Variants in SDK1 observed in about 807,000 individuals in gnomAD.
The protein encoded by SDK1 is sidekick cell adhesion molecule 1, also known as protein sidekick-1.
Under a neutral mutation model 245.5 loss-of-function variants are expected in SDK1, and 157 were observed. The observed-to-expected ratio is 0.64, with a 90% CI of 0.56 to 0.73. SDK1 has a LOEUF of 0.73. Among genes scored for constraint, SDK1 ranks in the 30% least tolerant of loss-of-function variants. SDK1 has a pLI of 0.00. For synonymous variants in SDK1, 1,647 were observed against 1,278.5 expected (o/e 1.29, Z -6.15); for missense variants, 3,583 against 3,002.3 (o/e 1.19, Z -4.52).
intron 1 of SDK1, among the ~76,000 whole-genome samples, chr7:3,549,249 G>A (rs1000202550): frequency 6.6e-6 from 1 of 152,196 alleles, no homozygotes; most frequent in African/African-American, 2.4e-5. Flanking sequence ...ATGAGTTATA[G>A]TCTTCCTGTG....
At position 4,182,768 on chromosome 7, in the gene SDK1, C is replaced by T. The variant is rs112048545; in HGVS notation, c.5098+4182C>T. Among the ~76,000 whole-genome samples the T allele has an allele frequency of 1.2e-3, 186 of 152,282 alleles. 1 individual carries two copies. Among genetic ancestry groups the T allele is most frequent in the African/African-American group, 4.0e-3 (168 of 41,572 alleles). ...TGGCAGTAGGGAGGGAGAGGCAGAG[C>T]TGGTGAGGGTGCACAGGCTGGCAGA... On this transcript the variant is annotated intron_variant, in intron 35 of 44. Transcript: ENST00000404826.
chr7:3,534,634 T>A (rs530244493), intron 1 of SDK1, among the ~76,000 whole-genome samples: 3 of 152,292 alleles, frequency 2.0e-5, no homozygotes, highest in African/African-American at 7.2e-5. Context: ...CCTTTTTTAT[T>A]TCTCTCGGTC....
chr7:3,774,214 C>CAAAAAA (rs35211488), intron 4 of SDK1, among the ~76,000 whole-genome samples: 1 of 70,376 alleles, frequency 1.4e-5, no homozygotes. Flanking sequence ...GACTCCATCT[C>CAAAAAA]AAAAAAAAAA....
At chr7:3,421,575 T>C (rs1268180452) in intron 1 of SDK1, among the ~76,000 whole-genome samples, 1 of 152,216 alleles carries the variant, frequency 6.6e-6, no homozygotes, top group Non-Finnish European at 1.5e-5. Flanking sequence ...AGTATTGAGC[T>C]GCTATCTGTA....
Position 3,500,869 on chromosome 7 carries a change from C to A in SDK1, c.299-118211C>A, listed in dbSNP as rs1049380841. ...TTACTTTCTGGGAGATTTCATTTTC[C>A]AACTGATATTATTTTCTTCTATCAT... On this transcript the variant is annotated intron_variant, in intron 1 of 44. Coordinates refer to ENST00000404826, the MANE Select transcript of SDK1 (RefSeq NM_152744.4). 5.3e-5 allele frequency among the ~76,000 whole-genome samples: 8 copies of A among 151,442 alleles called. No homozygotes were observed. The East Asian group carries it at 1.4e-3, about 26-fold the overall frequency.
chr7:3,541,773 C>G (rs576113336), intron 1 of SDK1, among the ~76,000 whole-genome samples: 8 of 152,266 alleles, frequency 5.3e-5, no homozygotes, highest in African/African-American at 7.2e-5. Context: ...GACATCACCC[C>G]AATGCATGAC....
chr7:3,887,778 C>T (rs1781370175), intron 5 of SDK1, among the ~76,000 whole-genome samples: 1 of 152,176 alleles, frequency 6.6e-6, no homozygotes, highest in African/African-American at 2.4e-5. Flanking sequence ...GAAATATCAT[C>T]ACGGGCAGTA....
At chr7:3,303,089 C>T (rs1200737767) in intron 1 of SDK1, among the ~76,000 whole-genome samples, 1 of 152,138 alleles carries the variant, frequency 6.6e-6, no homozygotes, top group African/African-American at 2.4e-5. Context: ...CATAAATGCT[C>T]CCTCTTATGT....
At chr7:3,900,233 A>T (rs1352152080) in intron 5 of SDK1, among the ~76,000 whole-genome samples, 3 of 152,194 alleles carry the variant, frequency 2.0e-5, no homozygotes, top group East Asian at 3.9e-4. Context: ...GTATATTTTT[A>T]AAATTTACAT....
chr7:3,509,130 CACAG>C (rs1463111474), intron 1 of SDK1, among the ~76,000 whole-genome samples: 2 of 151,972 alleles, frequency 1.3e-5, no homozygotes, highest in African/African-American at 4.8e-5. Flanking sequence ...TACTCAGACA[CACAG>C]ACATCCATCC....
intron 4 of SDK1, among the ~76,000 whole-genome samples, chr7:3,773,284 C>G (rs548861735): frequency 6.6e-6 from 1 of 152,146 alleles, no homozygotes; most frequent in Non-Finnish European, 1.5e-5. Flanking sequence ...CCTATCTTCA[C>G]ATTCACTGAT....
intron 1 of SDK1, among the ~76,000 whole-genome samples, chr7:3,603,101 G>T (rs1215760941): frequency 6.6e-6 from 1 of 151,126 alleles, no homozygotes; most frequent in African/African-American, 2.4e-5. Context: ...AGTATAGTTT[G>T]AAGTCAGGTA....
At chr7:3,990,760 C>G (rs1784241415) in intron 14 of SDK1, among the ~76,000 whole-genome samples, 1 of 152,206 alleles carries the variant, frequency 6.6e-6, no homozygotes, top group African/African-American at 2.4e-5. Flanking sequence ...TTGTGATGCA[C>G]TGAAAATTAC....
chr7:3,887,287 T>C (rs1338616189), intron 5 of SDK1, among the ~76,000 whole-genome samples: 1 of 152,178 alleles, frequency 6.6e-6, no homozygotes, highest in Non-Finnish European at 1.5e-5. Context: ...ACTCCAGAAA[T>C]GATAATGACA....
intron 1 of SDK1, among the ~76,000 whole-genome samples, chr7:3,481,352 G>C (rs1029592386): frequency 6.6e-6 from 1 of 152,152 alleles, no homozygotes; most frequent in Non-Finnish European, 1.5e-5. Flanking sequence ...TATCATCCTG[G>C]TACAGTTTCG....
In SDK1 at chr7:3,538,844, C is replaced by T. The variant is rs1048630605; in HGVS notation, c.299-80236C>T. 3.9e-5 allele frequency among the ~76,000 whole-genome samples: 6 copies of T among 152,276 alleles called. No individual in the cohort carries two copies. In the South Asian group the frequency reaches 1.2e-3, roughly 32 times the overall value. Reference sequence around the variant, plus strand: ...GACATTTTAAGTAATAGAAGAGGGCCAAAGAAAGTGTTCCAAAAGCACACT... The same window carrying T: ...GACATTTTAAGTAATAGAAGAGGGCTAAAGAAAGTGTTCCAAAAGCACACT... On this transcript the variant is annotated intron_variant, in intron 1 of 44. Coordinates refer to ENST00000404826, the MANE Select transcript of SDK1 (RefSeq NM_152744.4).
At chr7:3,315,872 G>T (rs925091360) in intron 1 of SDK1, among the ~76,000 whole-genome samples, 4 of 151,824 alleles carry the variant, frequency 2.6e-5, no homozygotes, top group African/African-American at 9.7e-5. Context: ...TATTGTTTTG[G>T]GCCTTATTTT....
At chr7:4,227,595 C>A (rs1341233288) in intron 40 of SDK1, among the ~76,000 whole-genome samples, 1 of 152,160 alleles carries the variant, frequency 6.6e-6, no homozygotes, top group Non-Finnish European at 1.5e-5. Flanking sequence ...GACAGTCAAG[C>A]GGTTGGTTGT....
chr7:4,067,670 G>C (rs924942686), intron 19 of SDK1, among the ~76,000 whole-genome samples, 168 bp from the exon 20 acceptor site: 1 of 152,202 alleles, frequency 6.6e-6, no homozygotes. Flanking sequence ...ATGATAGCCA[G>C]GATGCCTTGA....
Sources: allele counts gnomAD v4.1 joint callset (sites outside exome capture counted in the v4.1 genomes callset), GRCh38; gene constraint gnomAD v4.1.1; transcripts MANE v1.5; gene names NCBI Gene and HGNC (gene_info 2026-07-23, HGNC 2026-07-21).